Variants in ZNF804B observed in about 807,000 individuals in gnomAD.
The protein encoded by ZNF804B is zinc finger 804B.
ZNF804B carries 80 observed loss-of-function variants against 101.4 expected under a neutral mutation model. The ratio of observed to expected loss-of-function variants is 0.79; its 90% CI spans 0.66 to 0.95. ZNF804B has a LOEUF of 0.95. ZNF804B is among the 40% of genes least tolerant of loss of function. ZNF804B has a pLI of 0.00. For synonymous variants in ZNF804B, 622 were observed against 558.8 expected (o/e 1.11, Z -1.59); for missense variants, 1,673 against 1,561.9 (o/e 1.07, Z -1.20).
intron 1 of ZNF804B, among the ~76,000 whole-genome samples, chr7:88,930,081 G>T (rs867381964): frequency 6.6e-6 from 1 of 151,824 alleles, no homozygotes; most frequent in Non-Finnish European, 1.5e-5. Flanking sequence ...TAGATAATTT[G>T]TTGAGATCAT....
intron 1 of ZNF804B, among the ~76,000 whole-genome samples, chr7:88,871,588 C>A (rs1791823720): frequency 6.6e-6 from 1 of 151,942 alleles, no homozygotes; most frequent in African/African-American, 2.4e-5. Flanking sequence ...TATAAAGAAA[C>A]AAACATAAAA....
chr7:89,110,589 G>A (rs1790201731), intron 1 of ZNF804B, among the ~76,000 whole-genome samples: 2 of 152,178 alleles, frequency 1.3e-5, no homozygotes, highest in Non-Finnish European at 2.9e-5. Flanking sequence ...CAGAAAAGTT[G>A]AACAGAAAGT....
At chr7:89,102,092 G>A (rs1022858483) in intron 1 of ZNF804B, among the ~76,000 whole-genome samples, 1 of 151,950 alleles carries the variant, frequency 6.6e-6, no homozygotes. Flanking sequence ...GGGGACACAG[G>A]TTGATTCCAT....
chr7:89,310,949 TTGCTAAAGGA>T (rs1355247467), intron 2 of ZNF804B, among the ~76,000 whole-genome samples: 2 of 150,652 alleles, frequency 1.3e-5, no homozygotes, highest in African/African-American at 4.9e-5. Context: ...GAGCAGAGGT[TTGCTAAAGGA>T]TTCTCTTAAG....
intron 1 of ZNF804B, among the ~76,000 whole-genome samples, chr7:88,944,191 G>T (rs1793094210): frequency 6.6e-6 from 1 of 151,688 alleles, no homozygotes; most frequent in South Asian, 2.1e-4. Flanking sequence ...TTCCAAAGTG[G>T]CTATATCATG....
rs185752800 is a variant in ZNF804B, at chr7:89,259,980, G to A, written c.249+41685G>A. 7.9e-5 allele frequency among the ~76,000 whole-genome samples: 12 copies of A among 151,624 alleles called. No individual in the cohort carries two copies. The South Asian group carries it at 1.0e-3, about 13-fold the overall frequency. On this transcript the variant is annotated intron_variant, in intron 2 of 3. Coordinates refer to ENST00000333190, the MANE Select transcript of ZNF804B (RefSeq NM_181646.5). ...AACCTGGGCGACAAAGCGAAACTCC[G>A]TCAAAAAAATAAAAAGAGAGAGAGA...
chr7:89,094,483 G>A (rs1018132865), intron 1 of ZNF804B, among the ~76,000 whole-genome samples: 1 of 152,042 alleles, frequency 6.6e-6, no homozygotes, highest in South Asian at 2.1e-4. Context: ...TGAGTCATAT[G>A]AAATTGCCTC....
At chr7:89,075,627 G>A (rs1194496623) in intron 1 of ZNF804B, among the ~76,000 whole-genome samples, 1 of 152,188 alleles carries the variant, frequency 6.6e-6, no homozygotes, top group Non-Finnish European at 1.5e-5. Flanking sequence ...GAACGGAAAT[G>A]TGGAATCAAA....
At chr7:89,141,493 G>C (rs1199638153) in intron 1 of ZNF804B, among the ~76,000 whole-genome samples, 3 of 151,910 alleles carry the variant, frequency 2.0e-5, no homozygotes, top group Non-Finnish European at 2.9e-5. Context: ...TCACCTTTTG[G>C]TTATTGTATA....
At position 89,337,136 on chromosome 7, in the gene ZNF804B, C is replaced by A; in HGVS notation, c.*104C>A. ...AATTATAAGATTTAAAATATTGCTG[C>A]CAATTCAAAATGTGACAAATATATA... On this transcript the variant is annotated 3_prime_UTR_variant, in exon 4 of 4. Transcript: ENST00000333190. 2 of 1,141,862 alleles carry A rather than the reference C, an allele frequency of 1.8e-6. No homozygotes were observed. Among genetic ancestry groups the A allele is most frequent in the Non-Finnish European group, 2.4e-6 (2 of 825,160 alleles). The allele number at this position is 1,141,862 out of a possible 1,614,324, so 70.7% of individuals were successfully genotyped here. A position where few individuals can be genotyped will look rare whatever the true frequency, so the allele number is the denominator to read the frequency against.
chr7:89,212,294 G>C (rs1285520880), intron 1 of ZNF804B, among the ~76,000 whole-genome samples: 15 of 126,152 alleles, frequency 1.2e-4, no homozygotes, highest in African/African-American at 2.9e-4. Flanking sequence ...CACACAAACA[G>C]ACTGCAGAAC....
rs531069374 is a variant in ZNF804B, at chr7:88,846,761, A to T, written c.108+86677A>T. The stretch of plus-strand genomic sequence containing the variant: ...TATATATGTGTGTATATATATGTCT[A>T]TATGTGAGACTATCATATATATGTA... On this transcript the variant is annotated intron_variant, in intron 1 of 3. Coordinates refer to ENST00000333190, the MANE Select transcript of ZNF804B (RefSeq NM_181646.5). Among the ~76,000 whole-genome samples, 34 of 152,254 alleles carry T rather than the reference A, an allele frequency of 2.2e-4. No individual in the cohort carries two copies. The South Asian group carries it at 2.9e-3, about 13-fold the overall frequency.
chr7:88,923,862 A>C (rs953999374), intron 1 of ZNF804B, among the ~76,000 whole-genome samples: 1 of 152,122 alleles, frequency 6.6e-6, no homozygotes. Flanking sequence ...TTTTTAAGGT[A>C]CCATGATATC....
intron 1 of ZNF804B, among the ~76,000 whole-genome samples, chr7:88,965,979 A>G (rs186361557): frequency 9.4e-4 from 142 of 151,608 alleles, no homozygotes; most frequent in South Asian, 1.5e-3. Context: ...AATCACCTCA[A>G]TTAAGTAAAA....
chr7:88,760,843 G>A (rs1238251220), intron 1 of ZNF804B, among the ~76,000 whole-genome samples: 2 of 147,978 alleles, frequency 1.4e-5, no homozygotes, highest in Admixed American at 6.8e-5. Flanking sequence ...CTCCAAATAT[G>A]TTTCAAGAAA....
intron 1 of ZNF804B, among the ~76,000 whole-genome samples, chr7:89,073,041 A>G (rs1226410067): frequency 2.6e-5 from 4 of 152,288 alleles, no homozygotes; most frequent in Admixed American, 2.6e-4. Flanking sequence ...CTGTTGACCC[A>G]TTATTAACAA....
intron 1 of ZNF804B, among the ~76,000 whole-genome samples, chr7:89,113,928 A>C (rs1017143494): frequency 2.6e-5 from 4 of 152,110 alleles, no homozygotes; most frequent in African/African-American, 4.8e-5. Context: ...CAGCCATAAA[A>C]AAAAAAAAGG....
At chr7:89,312,853 C>T (rs929831505) in intron 2 of ZNF804B, among the ~76,000 whole-genome samples, 3 of 151,538 alleles carry the variant, frequency 2.0e-5, no homozygotes, top group African/African-American at 7.3e-5. Flanking sequence ...TGCAAAGAGG[C>T]AGAAAATAAA....
intron 1 of ZNF804B, among the ~76,000 whole-genome samples, chr7:89,086,386 T>C (rs1455597958): frequency 6.6e-6 from 1 of 151,976 alleles, no homozygotes; most frequent in East Asian, 1.9e-4. Context: ...ACAATTTACA[T>C]ACAAATGCAT....
Sources: gnomAD v4.1 joint callset for allele counts (sites outside exome capture counted in the v4.1 genomes callset) on GRCh38, gnomAD v4.1.1 for gene constraint, MANE v1.5 for transcripts, NCBI Gene and HGNC (gene_info 2026-07-23, HGNC 2026-07-21) for gene names.